Variants in STAT3 observed in about 807,000 individuals in gnomAD.
STAT3 encodes signal transducer and activator of transcription 3.
STAT3 carries 7 observed loss-of-function variants against 114.3 expected under a neutral mutation model. The ratio of observed to expected loss-of-function variants is 0.06; its 90% CI spans 0.03 to 0.11. The LOEUF (loss-of-function observed/expected upper bound fraction) is 0.11, where lower values mean the gene tolerates loss of function less well. STAT3 is among the 10% of genes least tolerant of loss of function. The pLI is 1.00. For missense variants in STAT3, 364 were observed against 960.9 expected, an observed-to-expected ratio of 0.38 and a Z score of 8.21; for synonymous variants, 331 against 354.5, an observed-to-expected ratio of 0.93 and a Z score of 0.74.
chr17:42,322,861 C>T (rs1022770286), intron 20 of STAT3, 143 bp downstream of exon 20: 18 of 1,184,614 alleles, frequency 1.5e-5, no homozygotes, highest in Non-Finnish European at 1.7e-5. Flanking sequence ...TTAGAAGTCA[C>T]GCAAATGTGT....
In STAT3 at chr17:42,329,737, C is replaced by T; in HGVS notation, c.1139+10G>A. The T allele has an allele frequency of 6.2e-7, 1 of 1,614,208 alleles. No individual in the cohort carries two copies. Among genetic ancestry groups the T allele is most frequent in the Non-Finnish European group, 8.5e-7 (1 of 1,180,026 alleles). On this transcript the variant is annotated intron_variant, in intron 12 of 23. Coordinates refer to ENST00000264657, the MANE Select transcript of STAT3 (RefSeq NM_139276.3). The stretch of plus-strand genomic sequence containing the variant: ...AACGGAACAAAAGGAAGCCTCTAGG[C>T]TGAACTTACCCTCTGAGAGCTGCAA...
chr17:42,356,202 G>C (rs979396518), intron 1 of STAT3, among the ~76,000 whole-genome samples: 1 of 151,944 alleles, frequency 6.6e-6, no homozygotes, highest in African/African-American at 2.4e-5. Context: ...ATGTTTGAAA[G>C]ATTATAAAAT....
chr17:42,382,943 G>A (rs2084887007), intron 1 of STAT3, among the ~76,000 whole-genome samples: 1 of 151,812 alleles, frequency 6.6e-6, no homozygotes, highest in Non-Finnish European at 1.5e-5. Flanking sequence ...ACACCCGGCT[G>A]GGTAAGAGTT....
At chr17:42,330,335 C>T (rs536858014) in intron 11 of STAT3, among the ~76,000 whole-genome samples, 10 of 152,028 alleles carry the variant, frequency 6.6e-5, no homozygotes, top group African/African-American at 2.4e-4. Flanking sequence ...GGGCTGGTTT[C>T]GAACTCTCGA....
chr17:42,344,732 AAGAG>A (rs1331098725), intron 4 of STAT3, among the ~76,000 whole-genome samples: 1 of 150,820 alleles, frequency 6.6e-6, no homozygotes, highest in East Asian at 2.0e-4. Context: ...AAAAAAAAAA[AAGAG>A]AGATGAGGTC....
intron 1 of STAT3, among the ~76,000 whole-genome samples, chr17:42,359,634 C>A (rs1265745505): frequency 6.6e-6 from 1 of 152,184 alleles, no homozygotes; most frequent in East Asian, 1.9e-4. Context: ...ATTTATATAG[C>A]ACTTTTTACA....
Position 42,324,883 on chromosome 17 carries a change from G to T in STAT3, c.1465-37C>A. On this transcript the variant is annotated intron_variant, in intron 16 of 23. Transcript: ENST00000264657. This position sits in a 1 kb window ranked among gnomAD's most constrained non-coding sequence, Gnocchi z 4.5. ...AACACATTTGCTTGTTTAGATGAGG[G>T]ATGGTGCTCATTGTCTATACTAGGT... 6.2e-7 allele frequency: 1 copy of T among 1,614,182 alleles called. No individual in the cohort carries two copies. Among genetic ancestry groups the T allele is most frequent in the Non-Finnish European group, 8.5e-7 (1 of 1,180,032 alleles).
intron 4 of STAT3, among the ~76,000 whole-genome samples, chr17:42,343,428 A>AGTTTTACT (rs2082539196): frequency 6.9e-6 from 1 of 145,426 alleles, no homozygotes; most frequent in Non-Finnish European, 1.5e-5. Context: ...GCATACATTT[A>AGTTTTACT]GTTTTACTAC....
chr17:42,384,873 A>C (rs2085009177), intron 1 of STAT3, among the ~76,000 whole-genome samples: 1 of 151,988 alleles, frequency 6.6e-6, no homozygotes, highest in African/African-American at 2.4e-5. Flanking sequence ...ATCAAATTCC[A>C]CCCATTATTT....
In STAT3 at chr17:42,348,517, C is replaced by T. The variant is rs756099567; in HGVS notation, c.-1G>A. 7 of 1,613,384 alleles carry T rather than the reference C, an allele frequency of 4.3e-6. No homozygotes were observed. The highest frequency in any genetic ancestry group is 5.9e-6 in the Non-Finnish European group (7 of 1,179,990). ...GCTGTAGCTGATTCCATTGGGCCAT[C>T]CTGCTAAAATCAGGGGTCCCAACTG... is the stretch of plus-strand genomic sequence containing the variant. On this transcript the variant is annotated 5_prime_UTR_variant, in exon 2 of 24. Coordinates refer to ENST00000264657, the MANE Select transcript of STAT3 (RefSeq NM_139276.3).
At chr17:42,345,246 C>G (rs1160322597) in intron 4 of STAT3, among the ~76,000 whole-genome samples, 2 of 144,808 alleles carry the variant, frequency 1.4e-5, no homozygotes, top group Non-Finnish European at 3.0e-5. Flanking sequence ...GCCTGGGTAA[C>G]AAGAGCAAAA....
At chr17:42,338,630 G>A (rs560972285) in intron 6 of STAT3, 101 bp downstream of exon 6, 44 of 1,185,916 alleles carry the variant, frequency 3.7e-5, no homozygotes, top group Non-Finnish European at 4.8e-5. Flanking sequence ...CTTGCGCCCC[G>A]CCCGCCTTAA....
At position 42,323,550 on chromosome 17, in the gene STAT3, G is replaced by A. The variant is rs113275589; in HGVS notation, c.1653+23C>T. On this transcript the variant is annotated intron_variant, in intron 18 of 23. Coordinates refer to ENST00000264657, the MANE Select transcript of STAT3 (RefSeq NM_139276.3). ...TGCAGGTGAGCATTCCCATTCCCAC[G>A]AGAATTTAACAAGATTGCTTACTTT... 3.3e-5 allele frequency: 53 copies of A among 1,613,364 alleles called. 3 individuals are homozygous for A. The highest frequency in any genetic ancestry group is 2.1e-4 in the African/African-American group (16 of 75,026).
chr17:42,362,145 C>A lies in STAT3; in HGVS notation c.-23-13606G>T, dbSNP rs140262430. On this transcript the variant is annotated intron_variant, in intron 1 of 23. Transcript: ENST00000264657. ...ACATTGAGAGGGCAATTGGGCCACA[C>A]AGTCTCTAAAAACTGTTTGTTCTAT... Among the ~76,000 whole-genome samples, 21 of 152,338 alleles carry A rather than the reference C, an allele frequency of 1.4e-4. No homozygotes were observed. In the East Asian group the frequency reaches 4.0e-3, roughly 29 times the overall value.
At chr17:42,317,782 G>A (rs919832263) in intron 21 of STAT3, among the ~76,000 whole-genome samples, 3 of 152,148 alleles carry the variant, frequency 2.0e-5, no homozygotes, top group African/African-American at 7.2e-5. Flanking sequence ...TTTTGGATGA[G>A]GGCATGAGTA....
At chr17:42,373,788 G>A (rs1320540770) in intron 1 of STAT3, among the ~76,000 whole-genome samples, 1 of 151,220 alleles carries the variant, frequency 6.6e-6, no homozygotes, top group African/African-American at 2.4e-5. Flanking sequence ...AGGAGGCTGA[G>A]GCAGGAGAAT....
chr17:42,339,594 C>T (rs1385912628), intron 4 of STAT3, among the ~76,000 whole-genome samples, 185 bp from the exon 5 acceptor site: 1 of 152,140 alleles, frequency 6.6e-6, no homozygotes, highest in African/African-American at 2.4e-5. Context: ...ACAGGTCATA[C>T]CATAAACCCC....
At chr17:42,382,661 T>C (rs1270587626) in intron 1 of STAT3, among the ~76,000 whole-genome samples, 1 of 152,104 alleles carries the variant, frequency 6.6e-6, no homozygotes, top group Non-Finnish European at 1.5e-5. Context: ...TTTCTTTTTT[T>C]TTTGAGATGG....
In STAT3 at chr17:42,324,201, C is replaced by G. The variant is rs1039310001; in HGVS notation, c.1600+510G>C. Reference sequence around the variant, plus strand: ...GGGCGTGGTGGTGAGCACCTGTAGTCTCAGCTACTCGGGAGGCCGAGGCAG... The same window carrying G: ...GGGCGTGGTGGTGAGCACCTGTAGTGTCAGCTACTCGGGAGGCCGAGGCAG... On this transcript the variant is annotated intron_variant, in intron 17 of 23. Coordinates refer to ENST00000264657, the MANE Select transcript of STAT3 (RefSeq NM_139276.3). The surrounding 1 kb of genome is among the most constrained non-coding windows in gnomAD (Gnocchi z 4.5). 2.0e-5 allele frequency among the ~76,000 whole-genome samples: 3 copies of G among 152,060 alleles called. No individual in the cohort carries two copies. Among genetic ancestry groups the G allele is most frequent in the African/African-American group, 4.8e-5 (2 of 41,402 alleles).
Sources: allele counts gnomAD v4.1 joint callset (sites outside exome capture counted in the v4.1 genomes callset), GRCh38; gene constraint gnomAD v4.1.1; non-coding constraint Gnocchi (gnomAD v3.1); transcripts MANE v1.5; gene names NCBI Gene and HGNC (gene_info 2026-07-23, HGNC 2026-07-21).